KLK1: variants seen among roughly 807,000 people sequenced by gnomAD.
The protein encoded by KLK1 is kallikrein-1.
A neutral mutation model predicts 23.3 loss-of-function variants in KLK1; 22 were observed. The observed-to-expected ratio is 0.95, with a 90% CI of 0.68 to 1.35. The LOEUF is 1.35. KLK1 is among the 40% of genes most tolerant of loss of function. The pLI is 0.00. For synonymous variants in KLK1, 140 were observed against 135.8 expected, an observed-to-expected ratio of 1.03 and a Z score of -0.21; for missense variants, 301 against 338.9, an observed-to-expected ratio of 0.89 and a Z score of 0.88.
chr19:50,819,481 G>A, intron 4 of KLK1, 132 bp from the exon 5 acceptor site: 1 of 878,708 alleles, frequency 1.1e-6, no homozygotes. Flanking sequence ...TTCCCACAGA[G>A]GGGACAGGGT....
At chr19:50,820,498 G>A in intron 2 of KLK1, 55 bp from the exon 3 acceptor site, 1 of 1,092,190 alleles carries the variant, frequency 9.2e-7, no homozygotes. Flanking sequence ...AAAGGGGATG[G>A]GGCAGGGGAG....
In KLK1 at chr19:50,819,903, C is replaced by T; in HGVS notation, c.629G>A (p.Cys210Tyr). The change falls in exon 4 of 5, where the codon TGT becomes TAT. Residue 210 changes from cysteine to tyrosine, a missense_variant. Transcript: ENST00000301420. ...CTGGGGGCAGGGCTGCCTCACCACA[C>T]AGGTGTCTTTGCCACCTTCCAGGTG... ...VGHLEGGKDT[C>Y]VGDSGGPLMC... The T allele has an allele frequency of 6.2e-7, 1 of 1,614,104 alleles. No individual in the cohort carries two copies. Among genetic ancestry groups the T allele is most frequent in the South Asian group, 1.1e-5 (1 of 91,072 alleles).
intron 1 of KLK1, among the ~76,000 whole-genome samples, chr19:50,823,182 G>T (rs1367473082): frequency 6.6e-6 from 1 of 152,126 alleles, no homozygotes; most frequent in African/African-American, 2.4e-5. Flanking sequence ...GGAAGGACTG[G>T]GGAGACCAGA....
In KLK1 at chr19:50,819,291, C is replaced by A; in HGVS notation, c.692G>T (p.Gly231Val). ...ATTGGGGGTGCCACAAGGGACGTAG[C>A]CCCATGATGTGACACCTTGGAGCAC... ...DGVLQGVTSW[G>V]YVPCGTPNKP... Residue 231 changes from glycine to valine, a missense_variant, in exon 5 of 5, where the codon GGC becomes GTC. Physicochemically the swap from Gly to Val is moderately radical, Grantham distance 109 (BLOSUM62 -3). Transcript: ENST00000301420. The A allele has an allele frequency of 1.9e-6, 3 of 1,614,136 alleles. No individual in the cohort carries two copies. The highest frequency in any genetic ancestry group is 2.5e-6 in the Non-Finnish European group (3 of 1,179,976).
At position 50,820,308 on chromosome 19, in the gene KLK1, G is replaced by A. The variant is rs540772789; in HGVS notation, c.342C>T (p.Asp114=). The change falls in exon 3 of 5, where the codon GAC becomes GAT. Residue 114 remains aspartate, a synonymous_variant. Transcript: ENST00000301420. ...GCATGAGGTCGTGGCTGTAGTCCTCGTCTGCTTGGCGGGTGTGGTTCTCCA... is the reference window on the plus strand; with the variant it reads ...GCATGAGGTCGTGGCTGTAGTCCTCATCTGCTTGGCGGGTGTGGTTCTCCA... ...SLLENHTRQA[D]EDYSHDLMLL... The A allele has an allele frequency of 1.9e-5, 30 of 1,614,020 alleles. No individual in the cohort carries two copies. Among genetic ancestry groups the A allele is most frequent in the Middle Eastern group, 1.6e-4 (1 of 6,062 alleles).
rs1372819011 is a variant in KLK1, at chr19:50,821,051, C to T, written c.207-608G>A. On this transcript the variant is annotated intron_variant, in intron 2 of 4. Coordinates refer to ENST00000301420, the MANE Select transcript of KLK1 (RefSeq NM_002257.4). The surrounding 1 kb of genome is among the most constrained non-coding windows in gnomAD (Gnocchi z 5.6). ...GGCTCCCCAGGGGCAGGTGGCCTGG[C>T]CTGAAGTCCAAGGTCGAGGCCCCCT... Among the ~76,000 whole-genome samples, 1 of 152,094 alleles carries T rather than the reference C, an allele frequency of 6.6e-6. No homozygotes were observed. The highest frequency in any genetic ancestry group is 1.5e-5 in the Non-Finnish European group (1 of 67,992).
In KLK1 at chr19:50,820,279, A is replaced by G. The variant is rs948994455; in HGVS notation, c.371T>C (p.Leu124Pro). Residue 124 changes from leucine to proline, a missense_variant, in exon 3 of 5, where the codon CTC becomes CCC. Leu to Pro is a moderately conservative substitution (Grantham distance 98). Coordinates refer to ENST00000301420, the MANE Select transcript of KLK1 (RefSeq NM_002257.4). ...GGTATCAGCAGGCTCTGTCAGGCGG[A>G]GCAGCATGAGGTCGTGGCTGTAGTC... ...DEDYSHDLML[L>P]RLTEPADTIT... 1.9e-6 allele frequency: 3 copies of G among 1,613,860 alleles called. No homozygotes were observed. Among genetic ancestry groups the G allele is most frequent in the Non-Finnish European group, 2.5e-6 (3 of 1,180,020 alleles).
At position 50,821,645 on chromosome 19, in the gene KLK1, T is replaced by G; in HGVS notation, c.206+67A>C. 1 of 1,485,432 alleles carries G rather than the reference T, an allele frequency of 6.7e-7. No individual in the cohort carries two copies. The highest frequency in any genetic ancestry group is 1.4e-5 in the South Asian group (1 of 72,070). 92.0% of individuals were successfully genotyped at this position (1,485,432 alleles called of 1,614,324 possible). On this transcript the variant is annotated intron_variant, in intron 2 of 4. Coordinates refer to ENST00000301420, the MANE Select transcript of KLK1 (RefSeq NM_002257.4). This position sits in a 1 kb window ranked among gnomAD's most constrained non-coding sequence, Gnocchi z 5.6. ...CTTGCCTGAGGTTATCCAAGGGGAATGCCACTGGCCTGTCAATCCTGTGGC... is the reference window on the plus strand; with the variant it reads ...CTTGCCTGAGGTTATCCAAGGGGAAGGCCACTGGCCTGTCAATCCTGTGGC...
At chr19:50,823,055 GGA>G (rs2089837715) in intron 1 of KLK1, 1 of 262,540 alleles carries the variant, frequency 3.8e-6, no homozygotes, top group African/African-American at 2.3e-5. Context: ...GTTTTTCCTG[GGA>G]GAGCTGGGGG....
intron 2 of KLK1, chr19:50,820,694 A>G: frequency 2.8e-6 from 1 of 354,848 alleles, no homozygotes; most frequent in Non-Finnish European, 5.1e-6. Context: ...GGGGTGAAAA[A>G]GGCGGAGGGG....
intron 4 of KLK1, 81 bp from the exon 5 acceptor site, chr19:50,819,430 AG>A (rs1288767527): frequency 1.4e-6 from 2 of 1,399,638 alleles, no homozygotes; most frequent in African/African-American, 2.9e-5. Flanking sequence ...GCTCGCAGAC[AG>A]GGCCTCCAGT....
At chr19:50,822,266 G>A (rs2089833095) in intron 1 of KLK1, 1 of 1,003,818 alleles carries the variant, frequency 1.0e-6, no homozygotes. Context: ...GCCAAGGGTG[G>A]GACAGGATCA....
In KLK1 at chr19:50,820,226, A is replaced by G. The variant is rs761639879; in HGVS notation, c.424T>C (p.Leu142=). 6.2e-7 allele frequency: 1 copy of G among 1,611,894 alleles called. No individual in the cohort carries two copies. Among genetic ancestry groups the G allele is most frequent in the Non-Finnish European group, 8.5e-7 (1 of 1,178,598 alleles). ...CCCACTTCGGGTTCCTCGGTGGGCA[A>G]CTCCACGACCTTCACAGCATCTGTG... ...TITDAVKVVE[L]PTEEPEVGST... Residue 142 remains leucine, a synonymous_variant, in exon 3 of 5, where the codon TTG becomes CTG. Transcript: ENST00000301420.
rs577336662 is a variant in KLK1, at chr19:50,821,210, G to A, written c.206+502C>T. Among the ~76,000 whole-genome samples the A allele has an allele frequency of 2.6e-5, 4 of 152,312 alleles. No homozygotes were observed. The highest frequency in any genetic ancestry group is 7.2e-5 in the African/African-American group (3 of 41,572). ...AGAGTGGAGGGATATCCTGTGGGGCGGGGAGCTGGACAGAGGGAGAGGCGC... is the reference window on the plus strand; with the variant it reads ...AGAGTGGAGGGATATCCTGTGGGGCAGGGAGCTGGACAGAGGGAGAGGCGC... On this transcript the variant is annotated intron_variant, in intron 2 of 4. Transcript: ENST00000301420. This position sits in a 1 kb window ranked among gnomAD's most constrained non-coding sequence, Gnocchi z 5.6.
In KLK1 at chr19:50,822,507, A is replaced by G. The variant is rs892707357; in HGVS notation, c.47-636T>C. ...TTAGATTTCAGGGCTTCCTGGTTAAAGGGTAAAAGAAAGGGCTATGGTTAA... is the reference window on the plus strand; with the variant it reads ...TTAGATTTCAGGGCTTCCTGGTTAAGGGGTAAAAGAAAGGGCTATGGTTAA... On this transcript the variant is annotated intron_variant, in intron 1 of 4. Transcript: ENST00000301420. The G allele has an allele frequency of 5.8e-5, 57 of 985,316 alleles. No individual in the cohort carries two copies. In the African/African-American group the frequency reaches 9.4e-4, roughly 16 times the overall value. The allele number at this position is 985,316 out of a possible 1,614,324, so 61.0% of individuals were successfully genotyped here.
In KLK1 at chr19:50,821,647, C is replaced by T. The variant is rs2089829002; in HGVS notation, c.206+65G>A. Reference sequence around the variant, plus strand: ...TGCCTGAGGTTATCCAAGGGGAATGCCACTGGCCTGTCAATCCTGTGGCAG... The same window carrying T: ...TGCCTGAGGTTATCCAAGGGGAATGTCACTGGCCTGTCAATCCTGTGGCAG... On this transcript the variant is annotated intron_variant, in intron 2 of 4. Coordinates refer to ENST00000301420, the MANE Select transcript of KLK1 (RefSeq NM_002257.4). This position sits in a 1 kb window ranked among gnomAD's most constrained non-coding sequence, Gnocchi z 5.6. 7 of 1,499,984 alleles carry T rather than the reference C, an allele frequency of 4.7e-6. No individual in the cohort carries two copies. The South Asian group carries it at 8.1e-5, about 17-fold the overall frequency. 92.9% of individuals were successfully genotyped at this position (1,499,984 alleles called of 1,614,324 possible).
chr19:50,823,635 G>C (rs759608924), intron 1 of KLK1, 68 bp downstream of exon 1: 1 of 1,059,580 alleles, frequency 9.4e-7, no homozygotes, highest in South Asian at 1.4e-5. Context: ...GGTCTTATCG[G>C]GGGGGGATGT....
At chr19:50,822,561 G>T in intron 1 of KLK1, 1 of 985,390 alleles carries the variant, frequency 1.0e-6, no homozygotes, top group Non-Finnish European at 1.2e-6. Flanking sequence ...GAGAGGTTTT[G>T]GGGTCCTTCC....
chr19:50,819,838 A>G lies in KLK1; in HGVS notation c.633+61T>C, dbSNP rs543136477. The stretch of plus-strand genomic sequence containing the variant: ...GATGCCTGGTTAGCTCTCAGAAGCC[A>G]GTTCAGAGGCTGAGTCCCCTCCCTC... On this transcript the variant is annotated intron_variant, in intron 4 of 4. Coordinates refer to ENST00000301420, the MANE Select transcript of KLK1 (RefSeq NM_002257.4). 48 of 1,547,826 alleles carry G rather than the reference A, an allele frequency of 3.1e-5. No individual in the cohort carries two copies. The African/African-American group carries it at 5.6e-4, about 18-fold the overall frequency.
Sources: gnomAD v4.1 joint callset for allele counts (sites outside exome capture counted in the v4.1 genomes callset) on GRCh38, gnomAD v4.1.1 for gene constraint, Gnocchi (gnomAD v3.1) non-coding constraint, MANE v1.5 for transcripts, NCBI Gene and HGNC (gene_info 2026-07-23, HGNC 2026-07-21) for gene names.